The following LMNTD1 variants were observed in gnomAD, a reference collection of about 807,000 sequenced individuals.
LMNTD1 encodes lamin tail domain-containing protein 1.
A neutral mutation model predicts 50.9 loss-of-function variants in LMNTD1; 35 were observed. That is an observed-to-expected ratio of 0.69 (90% CI 0.53 to 0.91). The LOEUF is 0.91. Among genes scored for constraint, LMNTD1 ranks in the 40% least tolerant of loss-of-function variants. LMNTD1 has a pLI of 0.00. For missense variants in LMNTD1, 470 were observed against 475.5 expected (o/e 0.99, Z 0.11); for synonymous variants, 153 against 161.9 (o/e 0.94, Z 0.42).
At chr12:25,523,274 C>T (rs987279655) in intron 6 of LMNTD1, among the ~76,000 whole-genome samples, 13 of 152,104 alleles carry the variant, frequency 8.5e-5, no homozygotes, top group African/African-American at 2.2e-4. Context: ...CCTTGTGATC[C>T]GCCCGCCTCG....
chr12:25,648,405 C>A (rs1283018042), intron 1 of LMNTD1: 7 of 1,057,202 alleles, frequency 6.6e-6, no homozygotes, highest in Non-Finnish European at 1.0e-5. Context: ...TGACCACTTT[C>A]TAAAGTGTCA....
At chr12:25,559,092 A>T (rs1027573973) in intron 1 of LMNTD1, among the ~76,000 whole-genome samples, 1 of 152,038 alleles carries the variant, frequency 6.6e-6, no homozygotes, top group Admixed American at 6.6e-5. Context: ...CATGTGTACA[A>T]CATGTGGGTT....
chr12:25,522,910 T>C (rs1021966432), intron 6 of LMNTD1, among the ~76,000 whole-genome samples: 1 of 152,228 alleles, frequency 6.6e-6, no homozygotes, highest in Non-Finnish European at 1.5e-5. Context: ...GCCACTTTTA[T>C]ATTAAGCCAT....
intron 1 of LMNTD1, among the ~76,000 whole-genome samples, chr12:25,576,631 A>C (rs1263039539): frequency 1.3e-5 from 2 of 152,164 alleles, no homozygotes; most frequent in Non-Finnish European, 2.9e-5. Context: ...ATTTTCTCCC[A>C]TTCTGTAAGT....
intron 1 of LMNTD1, among the ~76,000 whole-genome samples, chr12:25,636,262 T>C (rs1946831601): frequency 6.6e-6 from 1 of 151,882 alleles, no homozygotes; most frequent in African/African-American, 2.4e-5. Flanking sequence ...ATCAAGAATC[T>C]ACAATGAACT....
At chr12:25,561,490 A>G (rs1390976844) in intron 1 of LMNTD1, among the ~76,000 whole-genome samples, 3 of 152,192 alleles carry the variant, frequency 2.0e-5, no homozygotes, top group Non-Finnish European at 2.9e-5. Flanking sequence ...GTTTGATTGC[A>G]CTGTGGTCTG....
At chr12:25,550,032 C>T (rs16929025) in intron 2 of LMNTD1, among the ~76,000 whole-genome samples, 4,888 of 152,112 alleles carry the variant, frequency 0.032, 296 homozygotes, top group African/African-American at 0.11. Flanking sequence ...ATTCTTGTTG[C>T]TGCTTAACTA....
chr12:25,526,078 T>C (rs1203689459), intron 6 of LMNTD1, 21 bp downstream of exon 6: 2 of 1,536,504 alleles, frequency 1.3e-6, no homozygotes, highest in South Asian at 1.3e-5. Flanking sequence ...AAAAAACGAT[T>C]GTTAAGAACC....
At chr12:25,478,474 C>T (rs572725583) in intron 9 of LMNTD1, among the ~76,000 whole-genome samples, 1 of 152,230 alleles carries the variant, frequency 6.6e-6, no homozygotes, top group African/African-American at 2.4e-5. Flanking sequence ...TTTCTTAGTA[C>T]AAGTGTATAC....
intron 9 of LMNTD1, among the ~76,000 whole-genome samples, chr12:25,479,332 G>T (rs1242525266): frequency 6.6e-6 from 1 of 152,118 alleles, no homozygotes; most frequent in African/African-American, 2.4e-5. Context: ...ATGGTAAGTG[G>T]TACTACTTCT....
intron 8 of LMNTD1, among the ~76,000 whole-genome samples, chr12:25,507,604 T>C (rs1393590105): frequency 6.6e-6 from 1 of 152,210 alleles, no homozygotes; most frequent in African/African-American, 2.4e-5. Context: ...TCTAGCCCCA[T>C]GGTCATGCCA....
chr12:25,503,712 A>G, intron 9 of LMNTD1, 26 bp downstream of exon 9: 1 of 1,275,032 alleles, frequency 7.8e-7, no homozygotes, highest in Non-Finnish European at 1.1e-6. Context: ...CTGTGGAGAA[A>G]GCAAATTTGC....
chr12:25,492,667 C>T (rs1214953285), intron 9 of LMNTD1, among the ~76,000 whole-genome samples: 3 of 151,934 alleles, frequency 2.0e-5, no homozygotes, highest in Admixed American at 6.6e-5. Context: ...TTTGGTAAAC[C>T]TTTTTTCAAG....
chr12:25,568,867 C>G (rs537796402), intron 1 of LMNTD1, among the ~76,000 whole-genome samples: 103 of 152,300 alleles, frequency 6.8e-4, no homozygotes, highest in Middle Eastern at 3.4e-3. Flanking sequence ...TATCAGAAAG[C>G]CTCCTAGGCT....
At chr12:25,587,137 A>C (rs1382699984) in intron 1 of LMNTD1, among the ~76,000 whole-genome samples, 1 of 152,110 alleles carries the variant, frequency 6.6e-6, no homozygotes, top group Non-Finnish European at 1.5e-5. Context: ...CTGAACTCTA[A>C]TAGAGTGAAT....
rs190349989 is a variant in LMNTD1, at chr12:25,535,307, C to G, written c.492-8352G>C. Reference sequence around the variant, plus strand: ...CATAAAAAGATAAAAAATAACAGAGCATTAGTAAACTATGGTACAACTTCA... The same window carrying G: ...CATAAAAAGATAAAAAATAACAGAGGATTAGTAAACTATGGTACAACTTCA... On this transcript the variant is annotated intron_variant, in intron 4 of 9. Coordinates refer to ENST00000458174, the MANE Select transcript of LMNTD1 (RefSeq NM_001145728.2). Among the ~76,000 whole-genome samples, 987 of 151,948 alleles carry G rather than the reference C, an allele frequency of 6.5e-3. 18 individuals carry two copies. The highest frequency in any genetic ancestry group is 0.023 in the African/African-American group (944 of 41,360).
chr12:25,498,379 T>G (rs1049250945), intron 9 of LMNTD1, among the ~76,000 whole-genome samples: 9 of 152,194 alleles, frequency 5.9e-5, no homozygotes, highest in African/African-American at 2.2e-4. Flanking sequence ...TAGATAAGTG[T>G]AGGCAGGTTT....
At chr12:25,548,814 A>G (rs927983657) in intron 3 of LMNTD1, among the ~76,000 whole-genome samples, 1 of 151,890 alleles carries the variant, frequency 6.6e-6, no homozygotes, top group African/African-American at 2.4e-5. Context: ...TACTGTTTTC[A>G]TTTTCCTCTC....
intron 4 of LMNTD1, among the ~76,000 whole-genome samples, chr12:25,544,359 T>C (rs373705946): frequency 1.7e-5 from 1 of 57,204 alleles, no homozygotes; most frequent in African/African-American, 4.1e-5. Flanking sequence ...ATTTGTAGTC[T>C]ATTTTATCTA....
Sources: gnomAD v4.1 joint callset for allele counts (sites outside exome capture counted in the v4.1 genomes callset) on GRCh38, gnomAD v4.1.1 for gene constraint, MANE v1.5 for transcripts, NCBI Gene and HGNC (gene_info 2026-07-23, HGNC 2026-07-21) for gene names.